The following CDH18 variants were observed in gnomAD, a reference collection of about 807,000 sequenced individuals.
CDH18 encodes cadherin-18.
In CDH18, 31 loss-of-function variants were observed where a neutral mutation model predicts 67.9. The ratio of observed to expected loss-of-function variants is 0.46; its 90% confidence interval spans 0.34 to 0.62. The LOEUF is 0.62. Ranked by LOEUF, CDH18 falls within the 20% of genes least tolerant of loss-of-function variation. The pLI is 0.01. For missense variants in CDH18, 890 were observed against 975.5 expected, an observed-to-expected ratio of 0.91 and a Z score of 1.17; for synonymous variants, 362 against 347.2, an observed-to-expected ratio of 1.04 and a Z score of -0.48.
At chr5:20,400,256 G>A (rs984777543) in intron 1 of CDH18, among the ~76,000 whole-genome samples, 1 of 151,988 alleles carries the variant, frequency 6.6e-6, no homozygotes. Flanking sequence ...GAGACGGGTG[G>A]ATCATGAGGT....
chr5:20,442,015 T>C (rs1266509131), intron 1 of CDH18, among the ~76,000 whole-genome samples: 3 of 151,882 alleles, frequency 2.0e-5, no homozygotes, highest in Non-Finnish European at 4.4e-5. Context: ...TGGGAGATAT[T>C]TTATCTGTTC....
chr5:19,923,802 C>T (rs1792774474), intron 2 of CDH18, among the ~76,000 whole-genome samples: 1 of 152,134 alleles, frequency 6.6e-6, no homozygotes, highest in Non-Finnish European at 1.5e-5. Flanking sequence ...CGTATTATAT[C>T]AAAATATACT....
intron 2 of CDH18, among the ~76,000 whole-genome samples, chr5:20,010,039 C>A (rs922128518): frequency 2.0e-5 from 3 of 151,790 alleles, no homozygotes; most frequent in Non-Finnish European, 4.4e-5. Context: ...CTTCTTCTTG[C>A]GGGATGCTTT....
At chr5:19,835,372 G>A (rs985870759) in intron 3 of CDH18, among the ~76,000 whole-genome samples, 1 of 151,980 alleles carries the variant, frequency 6.6e-6, no homozygotes, top group Non-Finnish European at 1.5e-5. Context: ...CCTGTTGGGG[G>A]GTGGGGAGGG....
At chr5:20,347,375 G>T (rs1740787679) in intron 1 of CDH18, among the ~76,000 whole-genome samples, 2 of 152,096 alleles carry the variant, frequency 1.3e-5, no homozygotes, top group South Asian at 4.2e-4. Context: ...AGCTAGTGTG[G>T]TTTTCTTCCC....
At position 19,608,658 on chromosome 5, in the gene CDH18, T is replaced by A. The variant is rs141330656; in HGVS notation, c.811+3776A>T. ...GAATTTTTAGAGCTTGATCCTCCAATATTACATGGCACTAAACCAACTGCA... is the reference window on the plus strand; with the variant it reads ...GAATTTTTAGAGCTTGATCCTCCAAAATTACATGGCACTAAACCAACTGCA... On this transcript the variant is annotated intron_variant, in intron 6 of 12. Transcript: ENST00000382275. Among the ~76,000 whole-genome samples, 300 of 151,916 alleles carry A rather than the reference T, an allele frequency of 2.0e-3. 1 individual carries two copies. The Middle Eastern group carries it at 0.024, about 12-fold the overall frequency.
rs553975712 is a variant in CDH18, at chr5:20,479,009, T to C, written c.-580+96453A>G. ...CTCACCCAAGACCACCAGAGTGGTA[T>C]CTCTACACATCTGCAAGAGTCACAG... On this transcript the variant is annotated intron_variant, in intron 1 of 14. Transcript: ENST00000507958. Among the ~76,000 whole-genome samples the C allele has an allele frequency of 4.6e-5, 7 of 152,240 alleles. No individual in the cohort carries two copies. In the South Asian group the frequency reaches 1.5e-3, roughly 32 times the overall value.
intron 2 of CDH18, among the ~76,000 whole-genome samples, chr5:20,241,474 AG>A (rs1442051620): frequency 6.6e-6 from 1 of 152,142 alleles, no homozygotes; most frequent in East Asian, 1.9e-4. Flanking sequence ...GATGTTGCAG[AG>A]GTGCTCTGAT....
At chr5:20,231,346 G>A (rs139610724) in intron 2 of CDH18, among the ~76,000 whole-genome samples, 3,119 of 152,004 alleles carry the variant, frequency 0.021, 103 homozygotes, top group African/African-American at 0.07. Flanking sequence ...ACATTGGCTC[G>A]TGCCTGTAAT....
chr5:19,598,387 A>T (rs936369213), intron 6 of CDH18, among the ~76,000 whole-genome samples: 1 of 152,166 alleles, frequency 6.6e-6, no homozygotes, highest in Non-Finnish European at 1.5e-5. Flanking sequence ...CTCCAACTTT[A>T]CGCTGGGCAT....
chr5:19,557,786 C>A (rs116026604), intron 8 of CDH18, among the ~76,000 whole-genome samples: 4,769 of 152,096 alleles, frequency 0.031, 116 homozygotes, highest in Non-Finnish European at 0.047. Context: ...TATCCTAGAA[C>A]AAATGGACTT....
chr5:19,912,457 G>A (rs1344071563), intron 2 of CDH18, among the ~76,000 whole-genome samples: 1 of 152,110 alleles, frequency 6.6e-6, no homozygotes, highest in Non-Finnish European at 1.5e-5. Flanking sequence ...CTGGAGTGGG[G>A]AATCTTGTCA....
intron 2 of CDH18, among the ~76,000 whole-genome samples, chr5:20,100,073 C>G (rs1483881186): frequency 6.6e-6 from 1 of 152,042 alleles, no homozygotes; most frequent in Non-Finnish European, 1.5e-5. Flanking sequence ...GGGTGAGCCA[C>G]CATGCCCGGT....
chr5:19,697,071 C>A (rs969853420), intron 5 of CDH18, among the ~76,000 whole-genome samples: 1 of 152,134 alleles, frequency 6.6e-6, no homozygotes, highest in Non-Finnish European at 1.5e-5. Flanking sequence ...AGTGAGTTTG[C>A]TTCTACAAGA....
intron 8 of CDH18, among the ~76,000 whole-genome samples, chr5:19,547,237 T>G (rs1467103172): frequency 6.6e-6 from 1 of 152,190 alleles, no homozygotes; most frequent in East Asian, 1.9e-4. Context: ...TCCTTTAACA[T>G]GTAGTCAGTA....
intron 1 of CDH18, among the ~76,000 whole-genome samples, chr5:20,431,106 TTAAAA>T (rs1341680143): frequency 6.6e-6 from 1 of 152,096 alleles, no homozygotes; most frequent in African/African-American, 2.4e-5. Flanking sequence ...GAATATTGTG[TTAAAA>T]TAAGCAGAAG....
At chr5:19,523,546 T>A (rs375442332) in intron 9 of CDH18, among the ~76,000 whole-genome samples, 5 of 147,996 alleles carry the variant, frequency 3.4e-5, no homozygotes, top group Non-Finnish European at 4.5e-5. Flanking sequence ...TAATAGGAGA[T>A]AATATAAATA....
intron 2 of CDH18, among the ~76,000 whole-genome samples, chr5:20,203,957 A>T (rs1160810508): frequency 6.6e-6 from 1 of 152,090 alleles, no homozygotes; most frequent in African/African-American, 2.4e-5. Flanking sequence ...TCAGAGGAGA[A>T]AAAGAAAAAA....
chr5:19,883,214 C>T (rs1787850915), intron 2 of CDH18, among the ~76,000 whole-genome samples: 1 of 152,122 alleles, frequency 6.6e-6, no homozygotes, highest in East Asian at 1.9e-4. Flanking sequence ...TCTTATGACA[C>T]TTTGGAATCT....
Sources: allele counts gnomAD v4.1 joint callset (sites outside exome capture counted in the v4.1 genomes callset), GRCh38; gene constraint gnomAD v4.1.1; transcripts MANE v1.5; gene names NCBI Gene and HGNC (gene_info 2026-07-23, HGNC 2026-07-21).